Variants in CNTLN observed in about 807,000 individuals in gnomAD.
The protein encoded by CNTLN is centlein, also known as centlein, centrosomal protein.
CNTLN carries 212 observed loss-of-function variants against 180.0 expected under a neutral mutation model. The observed-to-expected ratio is 1.18, with a 90% CI of 1.05 to 1.32. The LOEUF (loss-of-function observed/expected upper bound fraction) is 1.32, where lower values mean the gene tolerates loss of function less well. Ranked by LOEUF, CNTLN falls within the 40% of genes most tolerant of loss-of-function variation. The probability of loss-of-function intolerance (pLI) is 0.00; values close to 1 mark genes in which losing one functional copy is unlikely to be tolerated. For synonymous variants in CNTLN, 722 were observed against 563.1 expected, an observed-to-expected ratio of 1.28 and a Z score of -3.99; for missense variants, 2,095 against 1,610.9, an observed-to-expected ratio of 1.30 and a Z score of -5.14.
In CNTLN at chr9:17,385,450, G is replaced by A. The variant is rs368616500; in HGVS notation, c.1988-2712G>A. ...CTTGAACCTATCTAGGGGCTCACCA[G>A]GAATCATCTTATTAAGCATAAACTC... On this transcript the variant is annotated intron_variant, in intron 13 of 25. Coordinates refer to ENST00000380647, the MANE Select transcript of CNTLN (RefSeq NM_017738.4). 7.4e-4 allele frequency among the ~76,000 whole-genome samples: 113 copies of A among 152,208 alleles called. 3 individuals carry two copies. The South Asian group carries it at 0.023, about 31-fold the overall frequency.
chr9:17,493,874 C>G (rs1482375423), intron 25 of CNTLN, among the ~76,000 whole-genome samples: 1 of 152,188 alleles, frequency 6.6e-6, no homozygotes, highest in Non-Finnish European at 1.5e-5. Context: ...GACCAGAACT[C>G]TCTCCACACA....
chr9:17,348,491 A>C (rs949315390), intron 12 of CNTLN, among the ~76,000 whole-genome samples: 4 of 151,306 alleles, frequency 2.6e-5, no homozygotes, highest in Non-Finnish European at 4.4e-5. Context: ...GTGTTGGTGA[A>C]AGTGCAGGCT....
intron 5 of CNTLN, among the ~76,000 whole-genome samples, chr9:17,266,719 C>G (rs1827482840): frequency 6.6e-6 from 1 of 152,008 alleles, no homozygotes; most frequent in South Asian, 2.1e-4. Flanking sequence ...AATCTGGGTG[C>G]TCCTGTATTG....
chr9:17,269,231 A>AT (rs200734225), intron 5 of CNTLN, among the ~76,000 whole-genome samples: 2 of 151,918 alleles, frequency 1.3e-5, no homozygotes, highest in Non-Finnish European at 2.9e-5. Context: ...CTTATTTAAA[A>AT]TTTTTTTTCT....
At chr9:17,291,201 G>A (rs1351626471) in intron 6 of CNTLN, among the ~76,000 whole-genome samples, 2 of 152,142 alleles carry the variant, frequency 1.3e-5, no homozygotes. Flanking sequence ...TATTTGCTGA[G>A]GAGTGTTTTA....
chr9:17,195,340 G>T (rs1255300929), intron 2 of CNTLN, among the ~76,000 whole-genome samples: 4 of 152,130 alleles, frequency 2.6e-5, no homozygotes, highest in Non-Finnish European at 5.9e-5. Context: ...CTGTAATATT[G>T]CTGGAAATGA....
chr9:17,343,445 A>G (rs1430160785), intron 12 of CNTLN, among the ~76,000 whole-genome samples: 1 of 152,186 alleles, frequency 6.6e-6, no homozygotes, highest in Middle Eastern at 3.2e-3. Context: ...GATAACATGT[A>G]TAACTTTTGT....
intron 16 of CNTLN, among the ~76,000 whole-genome samples, chr9:17,409,890 C>G (rs2780209): frequency 0.42 from 64,305 of 151,838 alleles, 15,932 homozygotes; most frequent in Non-Finnish European, 0.55. Flanking sequence ...AATTGAAGTT[C>G]TAATACAACT....
chr9:17,208,746 C>T (rs533622616), intron 2 of CNTLN, among the ~76,000 whole-genome samples: 1 of 152,174 alleles, frequency 6.6e-6, no homozygotes, highest in Non-Finnish European at 1.5e-5. Flanking sequence ...AATTTATCGG[C>T]GTATAGTTGC....
intron 18 of CNTLN, among the ~76,000 whole-genome samples, chr9:17,434,746 T>C (rs1287244586): frequency 1.3e-5 from 2 of 152,112 alleles, no homozygotes; most frequent in African/African-American, 4.8e-5. Flanking sequence ...TTAATTAAGT[T>C]ATGTACTTTT....
chr9:17,367,865 G>T (rs961517972), intron 13 of CNTLN, among the ~76,000 whole-genome samples: 1 of 150,380 alleles, frequency 6.6e-6, no homozygotes, highest in African/African-American at 2.5e-5. Flanking sequence ...GTACACTGTG[G>T]GTCTTGGCTG....
chr9:17,507,815 C>T (rs1833959505), downstream of CNTLN, among the ~76,000 whole-genome samples: 1 of 152,136 alleles, frequency 6.6e-6, no homozygotes, highest in Non-Finnish European at 1.5e-5. Flanking sequence ...TAGTCCAATC[C>T]TCAGTTTCCT....
At chr9:17,310,793 G>T (rs1587613534) in intron 8 of CNTLN, among the ~76,000 whole-genome samples, 1 of 151,952 alleles carries the variant, frequency 6.6e-6, no homozygotes, top group Admixed American at 6.5e-5. Flanking sequence ...ATTTTATTTT[G>T]TTTTTTATGT....
At chr9:17,371,548 T>C (rs1008933088) in intron 13 of CNTLN, among the ~76,000 whole-genome samples, 19 of 152,120 alleles carry the variant, frequency 1.2e-4, no homozygotes, top group African/African-American at 4.6e-4. Flanking sequence ...ACTTTCAGCA[T>C]TGGACAGATC....
At chr9:17,336,793 G>T (rs1821072743) in intron 10 of CNTLN, among the ~76,000 whole-genome samples, 1 of 152,162 alleles carries the variant, frequency 6.6e-6, no homozygotes, top group Non-Finnish European at 1.5e-5. Flanking sequence ...TGCCATGGTG[G>T]TTTGCTGCAC....
chr9:17,407,637 C>T (rs913941928), intron 15 of CNTLN, among the ~76,000 whole-genome samples: 1 of 152,228 alleles, frequency 6.6e-6, no homozygotes, highest in African/African-American at 2.4e-5. Context: ...TTTGTTAAAT[C>T]TTATTTGAAA....
chr9:17,294,833 GAGGAGGGGGGAGGGCGGGGA>G (rs1817718783), intron 6 of CNTLN, among the ~76,000 whole-genome samples: 4 of 26,466 alleles, frequency 1.5e-4, no homozygotes, highest in Non-Finnish European at 2.0e-4. Flanking sequence ...GGAGGGCGGG[GAGGAGGGGGGAGGGCGGGGA>G]GGAGGGAGGA....
chr9:17,412,590 A>G (rs1401302785), intron 16 of CNTLN, among the ~76,000 whole-genome samples: 21 of 152,202 alleles, frequency 1.4e-4, no homozygotes, highest in Admixed American at 1.2e-3. Flanking sequence ...ATTACATGAC[A>G]TATTTAATAC....
intron 6 of CNTLN, among the ~76,000 whole-genome samples, chr9:17,295,117 C>A (rs548350084): frequency 6.6e-6 from 1 of 151,024 alleles, no homozygotes; most frequent in Admixed American, 6.6e-5. Context: ...GCTGGCTGGC[C>A]GCTCTGAGTG....
Sources: allele counts gnomAD v4.1 joint callset (sites outside exome capture counted in the v4.1 genomes callset), GRCh38; gene constraint gnomAD v4.1.1; transcripts MANE v1.5; gene names NCBI Gene and HGNC (gene_info 2026-07-23, HGNC 2026-07-21).